The following PTPN12 variants were observed in gnomAD, a reference collection of about 807,000 sequenced individuals.
PTPN12 encodes protein tyrosine phosphatase non-receptor type 12.
Under a neutral mutation model 97.6 loss-of-function variants are expected in PTPN12, and 29 were observed. The ratio of observed to expected loss-of-function variants is 0.30; its 90% CI spans 0.22 to 0.41. The LOEUF (loss-of-function observed/expected upper bound fraction) is 0.41, where lower values mean the gene tolerates loss of function less well. Among genes scored for constraint, PTPN12 ranks in the 10% least tolerant of loss-of-function variants. The probability of loss-of-function intolerance (pLI) is 1.00; values close to 1 mark genes in which losing one functional copy is unlikely to be tolerated. For synonymous variants in PTPN12, 327 were observed against 300.4 expected (o/e 1.09, Z -0.91); for missense variants, 819 against 926.0 (o/e 0.88, Z 1.50).
intron 11 of PTPN12, among the ~76,000 whole-genome samples, chr7:77,613,876 A>G (rs1045966732): frequency 3.1e-4 from 47 of 151,810 alleles, no homozygotes; most frequent in African/African-American, 6.0e-4. Flanking sequence ...TTTTATTGCA[A>G]TATTCAGTGT....
chr7:77,594,870 A>C (rs898283111), intron 6 of PTPN12, among the ~76,000 whole-genome samples: 2 of 152,254 alleles, frequency 1.3e-5, no homozygotes, highest in Non-Finnish European at 2.9e-5. Context: ...TACAGTGCTT[A>C]ACATCAACAA....
chr7:77,627,351 A>G lies in PTPN12; in HGVS notation c.1672A>G (p.Ile558Val). Residue 558 changes from isoleucine to valine, a missense_variant, in exon 13 of 18, where the codon ATC (isoleucine) becomes GTC (valine). By Grantham distance (29) the Ile-to-Val change is conservative. Around this residue, in one of 5 missense-constraint regions of PTPN12, gnomAD observed 607 missense variants for 577.3 expected, o/e 1.05. Coordinates refer to ENST00000248594, the MANE Select transcript of PTPN12 (RefSeq NM_002835.4). ...PDLSEGNSSD[I>V]NYQTRKTVSL... Reference sequence around the variant, plus strand: ...TTTATCTGAAGGCAATTCCTCAGATATCAACTATCAAACTAGGAAAACTGT... The same window carrying G: ...TTTATCTGAAGGCAATTCCTCAGATGTCAACTATCAAACTAGGAAAACTGT... 1.2e-6 allele frequency: 2 copies of G among 1,614,162 alleles called. No homozygotes were observed. Among genetic ancestry groups the G allele is most frequent in the African/African-American group, 1.3e-5 (1 of 75,064 alleles).
chr7:77,629,590 G>GA (rs1456470199), intron 13 of PTPN12, among the ~76,000 whole-genome samples: 2 of 151,610 alleles, frequency 1.3e-5, no homozygotes, highest in African/African-American at 4.8e-5. Context: ...ACCATTACTG[G>GA]AAATAGGATT....
At chr7:77,583,514 T>C (rs1787588706) in intron 3 of PTPN12, 41 bp from the exon 4 acceptor site, 2 of 1,228,656 alleles carry the variant, frequency 1.6e-6, no homozygotes, top group African/African-American at 1.5e-5. Flanking sequence ...ATATTTTTGG[T>C]AATCAAAATA....
At position 77,600,671 on chromosome 7, in the gene PTPN12, G is replaced by T; in HGVS notation, c.560G>T (p.Arg187Leu). 6.3e-7 allele frequency: 1 copy of T among 1,595,680 alleles called. No individual in the cohort carries two copies. The highest frequency in any genetic ancestry group is 8.5e-7 in the Non-Finnish European group (1 of 1,174,062). ...TLLLEFQNESRRLYQFHYVNW... is the reference protein window; with the variant it reads ...TLLLEFQNESLRLYQFHYVNW... ...TTTCTGTTTTTCTTGAAGGAATCTCGTAGGCTGTATCAGTTTCATTATGTG... is the reference window on the plus strand; with the variant it reads ...TTTCTGTTTTTCTTGAAGGAATCTCTTAGGCTGTATCAGTTTCATTATGTG... Residue 187 changes from arginine (R) to leucine (L), a missense_variant, in exon 8 of 18, where the codon CGT (arginine) becomes CTT (leucine). Arg to Leu is a moderately radical substitution (Grantham distance 102, BLOSUM62 -2). Around this residue, in one of 5 missense-constraint regions of PTPN12, gnomAD observed 45 missense variants for 52.0 expected, o/e 0.87. Coordinates refer to ENST00000248594, the MANE Select transcript of PTPN12 (RefSeq NM_002835.4).
In PTPN12 at chr7:77,628,491, C is replaced by T. The variant is rs548401266; in HGVS notation, c.1996+816C>T. 4.4e-4 allele frequency among the ~76,000 whole-genome samples: 67 copies of T among 151,592 alleles called. No homozygotes were observed. In the South Asian group the frequency reaches 7.1e-3, roughly 16 times the overall value. On this transcript the variant is annotated intron_variant, in intron 13 of 17. Transcript: ENST00000248594. ...CAGTGGTCACTTACCTATCAGTGAACTTTGGTAGTGACACATACAGACTGG... is the reference window on the plus strand; with the variant it reads ...CAGTGGTCACTTACCTATCAGTGAATTTTGGTAGTGACACATACAGACTGG...
At chr7:77,606,352 G>T (rs1788373303) in intron 8 of PTPN12, among the ~76,000 whole-genome samples, 1 of 152,088 alleles carries the variant, frequency 6.6e-6, no homozygotes, top group African/African-American at 2.4e-5. Context: ...TGACAACTTA[G>T]TAGCTATTCT....
chr7:77,548,205 T>C (rs752235092), intron 1 of PTPN12, among the ~76,000 whole-genome samples: 1 of 152,226 alleles, frequency 6.6e-6, no homozygotes, highest in Non-Finnish European at 1.5e-5. Flanking sequence ...AAGTGCCCTG[T>C]AGAAAGAAAT....
At chr7:77,637,942 A>C (rs1038116799) in intron 16 of PTPN12, among the ~76,000 whole-genome samples, 5 of 52,354 alleles carry the variant, frequency 9.6e-5, no homozygotes, top group Non-Finnish European at 1.3e-4. Context: ...TTGATTTCTT[A>C]AAATTTTTTT....
At chr7:77,600,873 C>G in intron 8 of PTPN12, 67 bp downstream of exon 8, 2 of 1,321,028 alleles carry the variant, frequency 1.5e-6, no homozygotes, top group Non-Finnish European at 2.1e-6. Flanking sequence ...GGTTTTATTT[C>G]TGCATTAATA....
intron 1 of PTPN12, among the ~76,000 whole-genome samples, chr7:77,551,601 A>G (rs558915882): frequency 6.6e-6 from 1 of 152,194 alleles, no homozygotes; most frequent in African/African-American, 2.4e-5. Context: ...AGGTTTCTTC[A>G]ACATCACGTT....
At chr7:77,636,414 T>G (rs1037064302) in intron 15 of PTPN12, among the ~76,000 whole-genome samples, 8 of 151,988 alleles carry the variant, frequency 5.3e-5, no homozygotes, top group South Asian at 2.1e-4. Context: ...AGACCTTATC[T>G]CTACAAAAAT....
At chr7:77,622,734 G>A (rs1304638270) in intron 12 of PTPN12, among the ~76,000 whole-genome samples, 1 of 151,732 alleles carries the variant, frequency 6.6e-6, no homozygotes, top group Admixed American at 6.6e-5. Flanking sequence ...TCGCGCCACT[G>A]CTCTCCAGCC....
At position 77,639,700 on chromosome 7, in the gene PTPN12, A is replaced by G. The variant is rs757627292; in HGVS notation, c.*420A>G. ...GATGTAAGAAATTTCTGCATGGTCT[A>G]AATCTTTGTGTACTTTATTTGTAAA... On this transcript the variant is annotated 3_prime_UTR_variant, in exon 18 of 18. Transcript: ENST00000248594. 3.9e-5 allele frequency: 6 copies of G among 155,782 alleles called. No individual in the cohort carries two copies. The highest frequency in any genetic ancestry group is 2.1e-4 in the South Asian group (1 of 4,874). The allele number at this position is 155,782 out of a possible 1,614,324, so 9.6% of individuals were successfully genotyped here.
chr7:77,611,626 G>A (rs1788572348), intron 11 of PTPN12, among the ~76,000 whole-genome samples: 1 of 152,130 alleles, frequency 6.6e-6, no homozygotes, highest in Admixed American at 6.6e-5. Context: ...TGTATTTTTA[G>A]TAGAGACGGA....
intron 14 of PTPN12, among the ~76,000 whole-genome samples, chr7:77,633,078 G>A (rs750051404): frequency 6.6e-5 from 10 of 151,776 alleles, no homozygotes; most frequent in East Asian, 1.9e-4. Context: ...CAAGACCAGC[G>A]TGACCAACAT....
At chr7:77,621,069 T>A (rs183600164) in intron 12 of PTPN12, among the ~76,000 whole-genome samples, 41 of 146,086 alleles carry the variant, frequency 2.8e-4, no homozygotes, top group East Asian at 1.8e-3. Context: ...TATATATATA[T>A]AAAAATATGT....
chr7:77,635,730 G>T, intron 14 of PTPN12, 52 bp from the exon 15 acceptor site: 2 of 1,192,536 alleles, frequency 1.7e-6, no homozygotes, highest in Admixed American at 2.7e-5. Flanking sequence ...TTAATGCAAA[G>T]AAATTTCAGA....
intron 16 of PTPN12, 138 bp from the exon 17 acceptor site, chr7:77,638,486 C>A (rs1198322294): frequency 2.4e-6 from 3 of 1,259,252 alleles, no homozygotes; most frequent in African/African-American, 1.6e-5. Context: ...TTATATTGTT[C>A]TTGACCTGTA....
Sources: allele counts gnomAD v4.1 joint callset (sites outside exome capture counted in the v4.1 genomes callset), GRCh38; gene constraint gnomAD v4.1.1; regional missense constraint gnomAD v4.1.1; transcripts MANE v1.5; gene names NCBI Gene and HGNC (gene_info 2026-07-23, HGNC 2026-07-21).